Variants in CENPW observed in about 807,000 individuals in gnomAD.
The protein encoded by CENPW is cancer-up-regulated gene 2 protein.
In CENPW, 3 loss-of-function variants were observed where a neutral mutation model predicts 11.1. The observed-to-expected ratio is 0.27, with a 90% CI of 0.12 to 0.70. The LOEUF is 0.70. Ranked by LOEUF, CENPW falls within the 30% of genes least tolerant of loss-of-function variation. CENPW has a pLI of 0.77. For synonymous variants in CENPW, 38 were observed against 42.0 expected (o/e 0.91, Z 0.37); for missense variants, 100 against 105.6 (o/e 0.95, Z 0.23).
At chr6:126,470,901 G>T in the CENPW span, among the ~76,000 whole-genome samples, 1 of 152,208 alleles carries the variant, frequency 6.6e-6, no homozygotes, top group Non-Finnish European at 1.5e-5. Context: ...TTTACCCAAT[G>T]CCTGTACCAG....
At chr6:126,411,853 CTCCTTCCTTCCTTTTT>C in the CENPW span, among the ~76,000 whole-genome samples, 2 of 151,858 alleles carry the variant, frequency 1.3e-5, no homozygotes, top group African/African-American at 4.8e-5. Flanking sequence ...TTTATATTTT[CTCCTTCCTTCCTTTTT>C]TCCTTCCTTC....
At chr6:126,423,107 T>TG in the CENPW span, among the ~76,000 whole-genome samples, 1 of 152,136 alleles carries the variant, frequency 6.6e-6, no homozygotes, top group East Asian at 1.9e-4. Flanking sequence ...ATTAGATGTA[T>TG]GGTTGCCCAT....
At chr6:126,405,442 C>T in the CENPW span, among the ~76,000 whole-genome samples, 1 of 151,970 alleles carries the variant, frequency 6.6e-6, no homozygotes, top group Admixed American at 6.6e-5. Context: ...TAGTGTGATG[C>T]CTCCAGCTTT....
chr6:126,348,548 T>A lies in CENPW; in HGVS notation c.*56T>A, dbSNP rs1006926413. 1 of 1,042,934 alleles carries A rather than the reference T, an allele frequency of 9.6e-7. No homozygotes were observed. The highest frequency in any genetic ancestry group is 1.5e-6 in the Non-Finnish European group (1 of 674,650). 64.6% of individuals were successfully genotyped at this position (1,042,934 alleles called of 1,614,324 possible). A position where few individuals can be genotyped will look rare whatever the true frequency, so the allele number is the denominator to read the frequency against. On this transcript the variant is annotated 3_prime_UTR_variant, in exon 3 of 3. Coordinates refer to ENST00000368328, the MANE Select transcript of CENPW (RefSeq NM_001012507.4). ...ATGCATTCTTTTGGGTGGTAACAGA[T>A]CATAAAGACATTTTTTACACATCAG...
Position 126,348,506 on chromosome 6 carries a change from T to C in CENPW, c.*14T>C, listed in dbSNP as rs760902239. ...AGCAGAGGTTAGAAGTCAAAGAACA[T>C]ATTCTTGAAAGTTATGATGCATTCT... On this transcript the variant is annotated 3_prime_UTR_variant, in exon 3 of 3. Transcript: ENST00000368328. 6.9e-7 allele frequency: 1 copy of C among 1,441,544 alleles called. No individual in the cohort carries two copies. The highest frequency in any genetic ancestry group is 2.3e-5 in the East Asian group (1 of 43,660). The allele number at this position is 1,441,544 out of a possible 1,614,324, so 89.3% of individuals were successfully genotyped here. A position where few individuals can be genotyped will look rare whatever the true frequency, so the allele number is the denominator to read the frequency against.
the CENPW span, among the ~76,000 whole-genome samples, chr6:126,468,527 GAAATCTGAAT>G: frequency 6.9e-6 from 1 of 145,010 alleles, no homozygotes; most frequent in Non-Finnish European, 1.5e-5. Flanking sequence ...AAAAACTAAA[GAAATCTGAAT>G]AAATTATGGG....
At chr6:126,414,523 A>C in the CENPW span, among the ~76,000 whole-genome samples, 1 of 152,130 alleles carries the variant, frequency 6.6e-6, no homozygotes. Context: ...AAATATATGG[A>C]AATTAACCAA....
At chr6:126,412,850 C>T in the CENPW span, among the ~76,000 whole-genome samples, 2 of 152,094 alleles carry the variant, frequency 1.3e-5, no homozygotes, top group Non-Finnish European at 2.9e-5. Context: ...TTGAGCCCCT[C>T]TAGTCAGTTT....
chr6:126,476,211 G>T, the CENPW span, among the ~76,000 whole-genome samples: 2 of 151,932 alleles, frequency 1.3e-5, no homozygotes, highest in Non-Finnish European at 2.9e-5. Context: ...TAGTTTTGTG[G>T]TTGTTTCATT....
chr6:126,453,789 G>T, the CENPW span, among the ~76,000 whole-genome samples: 1 of 151,174 alleles, frequency 6.6e-6, no homozygotes, highest in African/African-American at 2.4e-5. Flanking sequence ...AAGACCTGAT[G>T]ATATGCTGTC....
chr6:126,361,587 G>A, the CENPW span, among the ~76,000 whole-genome samples: 4 of 152,280 alleles, frequency 2.6e-5, no homozygotes, highest in South Asian at 2.1e-4. Flanking sequence ...GAGCCACCGC[G>A]CCCAGCCTCT....
chr6:126,408,665 T>C, the CENPW span, among the ~76,000 whole-genome samples: 3 of 152,232 alleles, frequency 2.0e-5, no homozygotes, highest in African/African-American at 4.8e-5. Flanking sequence ...AATATTCTTA[T>C]TGATCTGTTC....
chr6:126,358,754 A>AT, the CENPW span, among the ~76,000 whole-genome samples: 10 of 151,996 alleles, frequency 6.6e-5, no homozygotes, highest in Non-Finnish European at 1.3e-4. Flanking sequence ...CTTCTCCTTG[A>AT]TTTTTTTGGA....
At chr6:126,358,429 T>A in the CENPW span, among the ~76,000 whole-genome samples, 3 of 152,196 alleles carry the variant, frequency 2.0e-5, no homozygotes, top group African/African-American at 4.8e-5. Flanking sequence ...AGTGTTGGAT[T>A]TTATTGAAAG....
the CENPW span, among the ~76,000 whole-genome samples, chr6:126,387,491 T>C: frequency 7.9e-5 from 12 of 151,964 alleles, no homozygotes; most frequent in Non-Finnish European, 1.3e-4. Context: ...GCCTTTCAAG[T>C]GCAATTAGTA....
the CENPW span, among the ~76,000 whole-genome samples, chr6:126,359,178 A>T: frequency 2.5e-4 from 38 of 152,036 alleles, no homozygotes; most frequent in African/African-American, 8.9e-4. Flanking sequence ...CTTAAATTCA[A>T]TGTTCATCCA....
chr6:126,447,046 C>G, the CENPW span, among the ~76,000 whole-genome samples: 1 of 151,104 alleles, frequency 6.6e-6, no homozygotes, highest in Admixed American at 6.6e-5. Context: ...CAGCTGAGGC[C>G]TACCTGCTGT....
the CENPW span, among the ~76,000 whole-genome samples, chr6:126,411,753 C>A: frequency 1.3e-5 from 2 of 152,096 alleles, no homozygotes; most frequent in Admixed American, 1.3e-4. Flanking sequence ...ATTTGGGAAC[C>A]TGAGCCAATA....
chr6:126,408,699 C>A, the CENPW span, among the ~76,000 whole-genome samples: 1 of 152,050 alleles, frequency 6.6e-6, no homozygotes, highest in Admixed American at 6.6e-5. Flanking sequence ...CTTCCTGGTT[C>A]AATATTGTTA....
Sources: gnomAD v4.1 joint callset for allele counts (sites outside exome capture counted in the v4.1 genomes callset) on GRCh38, gnomAD v4.1.1 for gene constraint, MANE v1.5 for transcripts, NCBI Gene and HGNC (gene_info 2026-07-23, HGNC 2026-07-21) for gene names.